The following CDH20 variants were observed in gnomAD, a reference collection of about 807,000 sequenced individuals.
CDH20 encodes cadherin-20.
Under a neutral mutation model 74.2 loss-of-function variants are expected in CDH20, and 29 were observed. That is an observed-to-expected ratio of 0.39 (90% CI 0.29 to 0.53). The LOEUF is 0.53. Ranked by LOEUF, CDH20 falls within the 20% of genes least tolerant of loss-of-function variation. The pLI is 0.69. For missense variants in CDH20, 988 were observed against 1,048.3 expected, an observed-to-expected ratio of 0.94 and a Z score of 0.79; for synonymous variants, 469 against 405.4, an observed-to-expected ratio of 1.16 and a Z score of -1.88.
intron 1 of CDH20, among the ~76,000 whole-genome samples, chr18:61,380,734 A>G (rs899037734): frequency 6.6e-6 from 1 of 152,112 alleles, no homozygotes; most frequent in Non-Finnish European, 1.5e-5. Context: ...GCTTGAACCC[A>G]GGAGGCAGAG....
chr18:61,345,938 C>A (rs777516044), intron 1 of CDH20, among the ~76,000 whole-genome samples: 1 of 152,162 alleles, frequency 6.6e-6, no homozygotes, highest in Non-Finnish European at 1.5e-5. Flanking sequence ...TAAGACCAGA[C>A]GGATCCTATG....
chr18:61,500,102 T>TAAAAAAAA (rs534695760), intron 3 of CDH20, among the ~76,000 whole-genome samples: 23 of 56,576 alleles, frequency 4.1e-4, no homozygotes, highest in South Asian at 9.6e-4. Context: ...GACTCCATCT[T>TAAAAAAAA]AAAAAAAAAA....
At chr18:61,481,424 T>A (rs1291435977) in intron 1 of CDH20, among the ~76,000 whole-genome samples, 1 of 152,156 alleles carries the variant, frequency 6.6e-6, no homozygotes, top group Non-Finnish European at 1.5e-5. Flanking sequence ...ACACATCGAG[T>A]GGCAGAGCTG....
chr18:61,416,180 C>A (rs1003728330), intron 1 of CDH20, among the ~76,000 whole-genome samples: 1 of 151,972 alleles, frequency 6.6e-6, no homozygotes, highest in African/African-American at 2.4e-5. Context: ...TCTCTTTGTT[C>A]TTTGGAAGGC....
intron 4 of CDH20, among the ~76,000 whole-genome samples, chr18:61,502,088 A>G (rs1911404070): frequency 6.6e-6 from 1 of 152,232 alleles, no homozygotes; most frequent in African/African-American, 2.4e-5. Context: ...AGGTCTATCT[A>G]GCCAAGAGTC....
rs1046774511 is a variant in CDH20, at chr18:61,507,907, T to C, written c.1017+347T>C. ...TCAACATTTGCACTTGAATAACATA[T>C]GCATTGTAGCATACCATACCTAACA... On this transcript the variant is annotated intron_variant, in intron 6 of 11. Coordinates refer to ENST00000262717, the MANE Select transcript of CDH20 (RefSeq NM_031891.4). Among the ~76,000 whole-genome samples the C allele has an allele frequency of 1.3e-4, 20 of 152,194 alleles. 1 individual carries two copies.
intron 6 of CDH20, among the ~76,000 whole-genome samples, chr18:61,509,530 G>T (rs920408501): frequency 6.6e-6 from 1 of 152,172 alleles, no homozygotes; most frequent in African/African-American, 2.4e-5. Flanking sequence ...AGTGGAGGGG[G>T]GAACTCTTAG....
At chr18:61,418,265 A>G (rs1186590240) in intron 1 of CDH20, among the ~76,000 whole-genome samples, 2 of 151,922 alleles carry the variant, frequency 1.3e-5, no homozygotes, top group Non-Finnish European at 2.9e-5. Context: ...CTAATCCTAA[A>G]ACATCCTGGC....
chr18:61,538,631 T>TTTG (rs1912914820), intron 8 of CDH20, among the ~76,000 whole-genome samples: 1 of 120,672 alleles, frequency 8.3e-6, no homozygotes, highest in Non-Finnish European at 1.8e-5. Flanking sequence ...TTTTGTTTTT[T>TTTG]TTTTTGAGAC....
At chr18:61,554,160 T>A in intron 11 of CDH20, 30 bp from the exon 12 acceptor site, 1 of 1,589,668 alleles carries the variant, frequency 6.3e-7, no homozygotes, top group Non-Finnish European at 8.6e-7. Context: ...ATCTCCTCGG[T>A]AAACACACTC....
chr18:61,538,079 G>A (rs1410899203), intron 8 of CDH20, among the ~76,000 whole-genome samples: 1 of 152,204 alleles, frequency 6.6e-6, no homozygotes, highest in African/African-American at 2.4e-5. Flanking sequence ...GAGTGTCTAT[G>A]ACCCCAGCCA....
At chr18:61,372,461 A>C (rs1000869675) in intron 1 of CDH20, among the ~76,000 whole-genome samples, 18 of 152,260 alleles carry the variant, frequency 1.2e-4, no homozygotes, top group Admixed American at 9.2e-4. Context: ...GAAGACAAAA[A>C]ATATTCCTAG....
At chr18:61,476,355 C>G (rs1263471724) in intron 1 of CDH20, among the ~76,000 whole-genome samples, 1 of 152,074 alleles carries the variant, frequency 6.6e-6, no homozygotes, top group Non-Finnish European at 1.5e-5. Flanking sequence ...CCCAGTGGCA[C>G]CAGACCCCCA....
At chr18:61,352,354 A>G (rs542788927) in intron 1 of CDH20, among the ~76,000 whole-genome samples, 2 of 152,324 alleles carry the variant, frequency 1.3e-5, no homozygotes, top group South Asian at 2.1e-4. Context: ...TGCACTCAGA[A>G]CTTCAGATCA....
At chr18:61,472,097 G>A (rs971838320) in intron 1 of CDH20, among the ~76,000 whole-genome samples, 1 of 152,008 alleles carries the variant, frequency 6.6e-6, no homozygotes, top group Non-Finnish European at 1.5e-5. Flanking sequence ...AATGTTCAGG[G>A]CCAGCATTCT....
chr18:61,395,163 CACAGAT>C, intron 1 of CDH20, among the ~76,000 whole-genome samples: 1 of 152,232 alleles, frequency 6.6e-6, no homozygotes, highest in Non-Finnish European at 1.5e-5. Context: ...TTACATCATT[CACAGAT>C]ACTGAGAGAA....
At chr18:61,428,254 T>C (rs1913138696) in intron 1 of CDH20, among the ~76,000 whole-genome samples, 1 of 152,142 alleles carries the variant, frequency 6.6e-6, no homozygotes, top group Non-Finnish European at 1.5e-5. Flanking sequence ...TGCAATCAAG[T>C]AAGAGATCCC....
intron 1 of CDH20, among the ~76,000 whole-genome samples, chr18:61,469,364 T>TAC (rs35516738): frequency 0.23 from 32,469 of 142,172 alleles, 3,997 homozygotes; most frequent in Non-Finnish European, 0.3. Flanking sequence ...TGAGAATGAA[T>TAC]ACACACACAC....
chr18:61,475,461 G>A (rs1046619609), intron 1 of CDH20, among the ~76,000 whole-genome samples: 7 of 152,194 alleles, frequency 4.6e-5, no homozygotes, highest in African/African-American at 1.4e-4. Flanking sequence ...TGTTCAATGA[G>A]TATCTCACTT....
Sources: allele counts gnomAD v4.1 joint callset (sites outside exome capture counted in the v4.1 genomes callset), GRCh38; gene constraint gnomAD v4.1.1; transcripts MANE v1.5; gene names NCBI Gene and HGNC (gene_info 2026-07-23, HGNC 2026-07-21).